The following DEFB132 variants were observed in gnomAD, a reference collection of about 807,000 sequenced individuals.
The protein encoded by DEFB132 is defensin beta 132.
In DEFB132, 5 loss-of-function variants were observed where a neutral mutation model predicts 2.5. That is an observed-to-expected ratio of 2.00 (90% CI 1.04 to 4.20). DEFB132 has a LOEUF of 4.20. DEFB132 is among the 30% of genes most tolerant of loss of function. DEFB132 has a pLI of 0.00. For missense variants in DEFB132, 112 were observed against 110.0 expected, an observed-to-expected ratio of 1.02 and a Z score of -0.08; for synonymous variants, 53 against 46.2, an observed-to-expected ratio of 1.15 and a Z score of -0.60.
At position 259,195 on chromosome 20, in the gene DEFB132, C is replaced by T; in HGVS notation, c.177C>T (p.Tyr59=). 5.6e-6 allele frequency: 9 copies of T among 1,614,236 alleles called. No homozygotes were observed. The highest frequency in any genetic ancestry group is 7.6e-6 in the Non-Finnish European group (9 of 1,180,040). The change falls in exon 2 of 2, where the codon TAC becomes TAT. Residue 59 remains tyrosine (Y), a synonymous_variant. Transcript: ENST00000382376. The part of the protein sequence containing the change: ...CNASRKCCIS[Y]SFLPKPDLPQ... ...CTTCCAGAAAATGCTGCATCAGCTA[C>T]TCCTTCCTGCCGAAGCCTGACCTAC...
rs2011615556 is a variant in DEFB132, at chr20:259,273, A to G, written c.255A>G (p.Lys85=). ...CAAGGAGAAGAAACACACAAAGGAAAGACAAGAAGCAACAAACGACCGTAA... is the reference window on the plus strand; with the variant it reads ...CAAGGAGAAGAAACACACAAAGGAAGGACAAGAAGCAACAAACGACCGTAA... ...WQSRRRNTQR[K]DKKQQTTVTS Residue 85 remains lysine (K), a synonymous_variant, in exon 2 of 2, where the codon AAA becomes AAG. Transcript: ENST00000382376. 2 of 1,613,780 alleles carry G rather than the reference A, an allele frequency of 1.2e-6. No individual in the cohort carries two copies. Among genetic ancestry groups the G allele is most frequent in the Non-Finnish European group, 1.7e-6 (2 of 1,179,734 alleles).
At position 259,321 on chromosome 20, in the gene DEFB132, G is replaced by C; in HGVS notation, c.*15G>C. On this transcript the variant is annotated 3_prime_UTR_variant, in exon 2 of 2. Coordinates refer to ENST00000382376, the MANE Select transcript of DEFB132 (RefSeq NM_207469.3). ...TAACATCATAATAACCACTGCTATC[G>C]CCTCCACCAACTCAGAGAAATATCA... The C allele has an allele frequency of 1.2e-6, 2 of 1,611,824 alleles. No homozygotes were observed. The highest frequency in any genetic ancestry group is 1.7e-6 in the Non-Finnish European group (2 of 1,178,586).
Position 259,354 on chromosome 20 carries a change from A to C in DEFB132, c.*48A>C, listed in dbSNP as rs374455138. 2 of 1,590,350 alleles carry C rather than the reference A, an allele frequency of 1.3e-6. No homozygotes were observed. Among genetic ancestry groups the C allele is most frequent in the African/African-American group, 2.7e-5 (2 of 74,590 alleles). ...CAACTCAGAGAAATATCATTTCCAC[A>C]GTTCCAATTCCTCCTACATTGCTGA... On this transcript the variant is annotated 3_prime_UTR_variant, in exon 2 of 2. Transcript: ENST00000382376.
At position 258,967 on chromosome 20, in the gene DEFB132, A is replaced by G; in HGVS notation, c.59-110A>G. On this transcript the variant is annotated intron_variant, in intron 1 of 1. Transcript: ENST00000382376. The stretch of plus-strand genomic sequence containing the variant: ...CCAAGTCTCATTTGCACAACATCCT[A>G]AGGATACACCTCAGAACAAAAAGCC... The G allele has an allele frequency of 2.9e-6, 3 of 1,040,022 alleles. No individual in the cohort carries two copies. The South Asian group carries it at 4.8e-5, about 17-fold the overall frequency. The allele number at this position is 1,040,022 out of a possible 1,614,324, so 64.4% of individuals were successfully genotyped here.
At position 259,667 on chromosome 20, in the gene DEFB132, C is replaced by T. The variant is rs1331068793; in HGVS notation, c.*361C>T. On this transcript the variant is annotated 3_prime_UTR_variant, in exon 2 of 2. Coordinates refer to ENST00000382376, the MANE Select transcript of DEFB132 (RefSeq NM_207469.3). ...GGCAGGGAGAGCCTTCAGACTGCAACGCTGGCCTGATACGTGTCAAAGGAG... is the reference window on the plus strand; with the variant it reads ...GGCAGGGAGAGCCTTCAGACTGCAATGCTGGCCTGATACGTGTCAAAGGAG... 3.9e-5 allele frequency: 13 copies of T among 336,296 alleles called. No individual in the cohort carries two copies. Among genetic ancestry groups the T allele is most frequent in the Non-Finnish European group, 6.8e-5 (12 of 175,836 alleles). 20.8% of individuals were successfully genotyped at this position (336,296 alleles called of 1,614,324 possible).
In DEFB132 at chr20:259,206, C is replaced by G. The variant is rs78479346; in HGVS notation, c.188C>G (p.Pro63Arg). ...TGCTGCATCAGCTACTCCTTCCTGCCGAAGCCTGACCTACCACAGCTCATC... is the reference window on the plus strand; with the variant it reads ...TGCTGCATCAGCTACTCCTTCCTGCGGAAGCCTGACCTACCACAGCTCATC... Reference protein sequence around the residue: ...RKCCISYSFLPKPDLPQLIGN... With the variant: ...RKCCISYSFLRKPDLPQLIGN... Residue 63 changes from proline to arginine, a missense_variant, in exon 2 of 2, where the codon CCG becomes CGG. By Grantham distance (103) the Pro-to-Arg change is moderately radical. Transcript: ENST00000382376. 6.2e-7 allele frequency: 1 copy of G among 1,614,030 alleles called. No individual in the cohort carries two copies. Among genetic ancestry groups the G allele is most frequent in the African/African-American group, 1.3e-5 (1 of 74,920 alleles).
At position 260,063 on chromosome 20, in the gene DEFB132, T is replaced by A. The variant is rs427969; in HGVS notation, c.*757T>A. 89,223 of 151,630 alleles carry A rather than the reference T, an allele frequency of 0.59. 26,410 individuals are homozygous for A. Among genetic ancestry groups the A allele is most frequent in the East Asian group, 0.67 (3,448 of 5,154 alleles). 9.4% of individuals were successfully genotyped at this position (151,630 alleles called of 1,614,324 possible). On this transcript the variant is annotated 3_prime_UTR_variant, in exon 2 of 2. Coordinates refer to ENST00000382376, the MANE Select transcript of DEFB132 (RefSeq NM_207469.3). ...GGTAGACTGACTTGTGAGGTATTTA[T>A]TTATTCATTTGAGTAACAAAGCAGA...
At chr20:258,287 A>G (rs569339678) in intron 1 of DEFB132, among the ~76,000 whole-genome samples, 1 of 152,310 alleles carries the variant, frequency 6.6e-6, no homozygotes, top group African/African-American at 2.4e-5. Context: ...CAGACCTCTT[A>G]GAGGGCTAGT....
At position 259,059 on chromosome 20, in the gene DEFB132, T is replaced by C. The variant is rs1266563856; in HGVS notation, c.59-18T>C. On this transcript the variant is annotated intron_variant, in intron 1 of 1. Coordinates refer to ENST00000382376, the MANE Select transcript of DEFB132 (RefSeq NM_207469.3). Reference sequence around the variant, plus strand: ...TGCTTCTAACCATGACTTCTCTGTCTTGTCCTCTCCCATACAGCCAGTGCA... The same window carrying C: ...TGCTTCTAACCATGACTTCTCTGTCCTGTCCTCTCCCATACAGCCAGTGCA... 6.2e-7 allele frequency: 1 copy of C among 1,613,118 alleles called. No individual in the cohort carries two copies. Among genetic ancestry groups the C allele is most frequent in the African/African-American group, 1.3e-5 (1 of 74,902 alleles).
chr20:257,822 C>T lies in DEFB132; in HGVS notation c.44C>T (p.Thr15Ile). 6.2e-7 allele frequency: 1 copy of T among 1,608,890 alleles called. No homozygotes were observed. The highest frequency in any genetic ancestry group is 8.5e-7 in the Non-Finnish European group (1 of 1,176,214). ...LLVLAALGFLTQVIPASAGGS... is the reference protein window; with the variant it reads ...LLVLAALGFLIQVIPASAGGS... Reference sequence around the variant, plus strand: ...GTCTTGGCAGCCCTCGGATTCCTGACCCAGGTGATCCCAGGTAAACTGGAT... The same window carrying T: ...GTCTTGGCAGCCCTCGGATTCCTGATCCAGGTGATCCCAGGTAAACTGGAT... The change falls in exon 1 of 2, where the codon ACC becomes ATC. Residue 15 changes from threonine (T) to isoleucine (I), a missense_variant. Thr to Ile is a moderately conservative substitution (Grantham distance 89). Transcript: ENST00000382376.
At chr20:258,238 C>T (rs2122196613) in intron 1 of DEFB132, among the ~76,000 whole-genome samples, 1 of 152,234 alleles carries the variant, frequency 6.6e-6, no homozygotes, top group South Asian at 2.1e-4. Context: ...GGTTCCCATC[C>T]CTATGCTCAA....
At chr20:258,263 G>T (rs1011312314) in intron 1 of DEFB132, among the ~76,000 whole-genome samples, 1 of 152,200 alleles carries the variant, frequency 6.6e-6, no homozygotes, top group African/African-American at 2.4e-5. Context: ...CAGCTGGCAG[G>T]TGGGGGATGG....
rs1600177067 is a variant in DEFB132, at chr20:259,607, C to T, written c.*301C>T. 9 of 400,764 alleles carry T rather than the reference C, an allele frequency of 2.2e-5. No individual in the cohort carries two copies. In the East Asian group the frequency reaches 3.4e-4, roughly 15 times the overall value. 24.8% of individuals were successfully genotyped at this position (400,764 alleles called of 1,614,324 possible). A position where few individuals can be genotyped will look rare whatever the true frequency, so the allele number is the denominator to read the frequency against. Reference sequence around the variant, plus strand: ...GCAAAAGATTGACTGGGAGAACACACCTCTGATGGACAAAGGTGAGACAGA... The same window carrying T: ...GCAAAAGATTGACTGGGAGAACACATCTCTGATGGACAAAGGTGAGACAGA... On this transcript the variant is annotated 3_prime_UTR_variant, in exon 2 of 2. Transcript: ENST00000382376.
At chr20:258,958 C>A in intron 1 of DEFB132, 119 bp from the exon 2 acceptor site, 1 of 968,156 alleles carries the variant, frequency 1.0e-6, no homozygotes, top group Non-Finnish European at 1.5e-6. Flanking sequence ...CTCATTTGCA[C>A]AACATCCTAA....
Position 259,123 on chromosome 20 carries a change from C to A in DEFB132, c.105C>A (p.Cys35Ter). 1 of 1,614,190 alleles carries A rather than the reference C, an allele frequency of 6.2e-7. No homozygotes were observed. The highest frequency in any genetic ancestry group is 2.2e-5 in the East Asian group (1 of 44,890). The change falls in exon 2 of 2, where the codon TGC (cysteine) becomes TGA (stop). Residue 35 changes from cysteine (C) to a stop codon, truncating the protein, a stop_gained. Coordinates refer to ENST00000382376, the MANE Select transcript of DEFB132 (RefSeq NM_207469.3). LOFTEE classifies it low-confidence loss of function (END_TRUNC). ...SKCVSNTPGY[C>*]RTCCHWGETA... The stretch of plus-strand genomic sequence containing the variant: ...GTGTGAGTAACACCCCAGGATACTG[C>A]AGGACATGTTGCCACTGGGGGGAGA...
intron 1 of DEFB132, among the ~76,000 whole-genome samples, chr20:258,580 A>C (rs1361982997): frequency 1.3e-5 from 2 of 152,154 alleles, no homozygotes; most frequent in Admixed American, 1.3e-4. Flanking sequence ...TGTCACTGGC[A>C]ACCGTTATTT....
At position 259,151 on chromosome 20, in the gene DEFB132, G is replaced by GCAT; in HGVS notation, c.134_136dup (p.Ala45_Leu46insSer). The GCAT allele has an allele frequency of 6.2e-7, 1 of 1,614,242 alleles. No homozygotes were observed. Among genetic ancestry groups the GCAT allele is most frequent in the South Asian group, 1.1e-5 (1 of 91,090 alleles). On this transcript the variant is annotated inframe_insertion, in exon 2 of 2. Transcript: ENST00000382376. ...GACATGTTGCCACTGGGGGGAGACA[G>GCAT]CATTGTTCATGTGCAACGCTTCCAG...
At position 259,184 on chromosome 20, in the gene DEFB132, T is replaced by G; in HGVS notation, c.166T>G (p.Cys56Gly). The G allele has an allele frequency of 6.2e-7, 1 of 1,614,234 alleles. No homozygotes were observed. Among genetic ancestry groups the G allele is most frequent in the Non-Finnish European group, 8.5e-7 (1 of 1,180,042 alleles). Residue 56 changes from cysteine to glycine, a missense_variant, in exon 2 of 2, where the codon TGC (cysteine) becomes GGC (glycine). Coordinates refer to ENST00000382376, the MANE Select transcript of DEFB132 (RefSeq NM_207469.3). Reference sequence around the variant, plus strand: ...CATGTGCAACGCTTCCAGAAAATGCTGCATCAGCTACTCCTTCCTGCCGAA... The same window carrying G: ...CATGTGCAACGCTTCCAGAAAATGCGGCATCAGCTACTCCTTCCTGCCGAA... ...LFMCNASRKC[C>G]ISYSFLPKPD...
Position 259,448 on chromosome 20 carries a change from AT to A in DEFB132, c.*144del, listed in dbSNP as rs2011618015. The A allele has an allele frequency of 1.2e-6, 1 of 805,182 alleles. No homozygotes were observed. Among genetic ancestry groups the A allele is most frequent in the Non-Finnish European group, 1.9e-6 (1 of 518,990 alleles). The allele number at this position is 805,182 out of a possible 1,614,324, so 49.9% of individuals were successfully genotyped here. A position where few individuals can be genotyped will look rare whatever the true frequency, so the allele number is the denominator to read the frequency against. ...AACCCCAAAACTTCTGTCTTCTATC[AT>A]TCTGTCATTCATCTAGTAACTAATT... On this transcript the variant is annotated 3_prime_UTR_variant, in exon 2 of 2. Transcript: ENST00000382376.
Sources: allele counts gnomAD v4.1 joint callset (sites outside exome capture counted in the v4.1 genomes callset), GRCh38; gene constraint gnomAD v4.1.1; transcripts MANE v1.5; gene names NCBI Gene and HGNC (gene_info 2026-07-23, HGNC 2026-07-21).